The following NBAS variants were observed in gnomAD, a reference collection of about 807,000 sequenced individuals.
NBAS encodes NAG/BC035112 fusion.
A neutral mutation model predicts 302.5 loss-of-function variants in NBAS; 219 were observed. The ratio of observed to expected loss-of-function variants is 0.72; its 90% CI spans 0.65 to 0.81. The LOEUF is 0.81. Among genes scored for constraint, NBAS ranks in the 30% least tolerant of loss-of-function variants. The pLI is 0.00. For synonymous variants in NBAS, 1,118 were observed against 1,021.6 expected, an observed-to-expected ratio of 1.09 and a Z score of -1.80; for missense variants, 2,932 against 2,841.6, an observed-to-expected ratio of 1.03 and a Z score of -0.72.
the NBAS span, among the ~76,000 whole-genome samples, chr2:14,988,358 A>T: frequency 6.6e-6 from 1 of 152,212 alleles, no homozygotes; most frequent in African/African-American, 2.4e-5. Flanking sequence ...ACCCAGATAC[A>T]ATATAAACAG....
At chr2:15,544,191 G>A (rs1207762321) in intron 6 of NBAS, among the ~76,000 whole-genome samples, 10 of 152,134 alleles carry the variant, frequency 6.6e-5, no homozygotes, top group Admixed American at 6.5e-4. Context: ...AAGAACCAGT[G>A]AGCAAGGGCA....
At chr2:15,239,401 G>GTATATA (rs3085556) in intron 44 of NBAS, among the ~76,000 whole-genome samples, 65 of 144,712 alleles carry the variant, frequency 4.5e-4, no homozygotes, top group South Asian at 1.1e-3. Context: ...GTGTGTGTGT[G>GTATATA]TATATATATA....
At chr2:15,465,241 G>A (rs932244169) in intron 19 of NBAS, among the ~76,000 whole-genome samples, 1 of 152,168 alleles carries the variant, frequency 6.6e-6, no homozygotes, top group Non-Finnish European at 1.5e-5. Flanking sequence ...TAACTGTATG[G>A]AGACTCCATT....
At chr2:15,377,522 A>G (rs935928560) in intron 30 of NBAS, among the ~76,000 whole-genome samples, 12 of 152,340 alleles carry the variant, frequency 7.9e-5, no homozygotes, top group African/African-American at 2.9e-4. Context: ...GCCTACTATT[A>G]TCCACATTTT....
rs753659526 is a variant in NBAS at position 15,467,732 on chromosome 2, A to G, written c.1950T>C (p.Pro650=). ...YEELSPPDEE[P]AKNKKEKELK... ...GCTCCTTTTCCTTTTTATTCTTGGCAGGCTCTTCATCAGGTGGTGAAAGCT... is the reference window on the plus strand; with the variant it reads ...GCTCCTTTTCCTTTTTATTCTTGGCGGGCTCTTCATCAGGTGGTGAAAGCT... Residue 650 remains proline (P), a synonymous_variant, in exon 18 of 52, where the codon CCT becomes CCC. Coordinates refer to ENST00000281513, the MANE Select transcript of NBAS (RefSeq NM_015909.4). 1.2e-6 allele frequency: 2 copies of G among 1,608,594 alleles called. No homozygotes were observed. The highest frequency in any genetic ancestry group is 1.7e-6 in the Non-Finnish European group (2 of 1,175,250).
At chr2:15,076,197 G>T in the NBAS span, among the ~76,000 whole-genome samples, 1 of 152,222 alleles carries the variant, frequency 6.6e-6, no homozygotes, top group East Asian at 1.9e-4. Context: ...AAGTTGAAAA[G>T]ATAGGAGTGT....
chr2:15,046,641 G>A, the NBAS span, among the ~76,000 whole-genome samples: 1 of 152,132 alleles, frequency 6.6e-6, no homozygotes. Flanking sequence ...TACTAAGAGT[G>A]GTTTTATTTT....
At chr2:15,442,692 C>CA (rs1324640566) in intron 21 of NBAS, among the ~76,000 whole-genome samples, 30 of 151,756 alleles carry the variant, frequency 2.0e-4, no homozygotes, top group African/African-American at 7.3e-4. Context: ...AAAAACCCTT[C>CA]AAAAAATTAA....
intron 47 of NBAS, among the ~76,000 whole-genome samples, chr2:15,230,849 C>T (rs868205603): frequency 6.6e-6 from 1 of 152,142 alleles, no homozygotes; most frequent in Non-Finnish European, 1.5e-5. Flanking sequence ...GTGTTTCCCA[C>T]GTAGCATCTC....
the NBAS span, among the ~76,000 whole-genome samples, chr2:14,989,332 T>C: frequency 1.3e-5 from 2 of 151,810 alleles, no homozygotes; most frequent in South Asian, 2.1e-4. Context: ...TAACTTTATA[T>C]ATATATCTTG....
the NBAS span, among the ~76,000 whole-genome samples, chr2:15,023,318 G>C: frequency 6.6e-6 from 1 of 151,900 alleles, no homozygotes; most frequent in South Asian, 2.1e-4. Flanking sequence ...TTATTGATAG[G>C]TACTCACTTT....
In NBAS at chr2:15,436,312, T is replaced by A. The variant is rs116749562; in HGVS notation, c.2340-8518A>T. On this transcript the variant is annotated intron_variant, in intron 21 of 51. Coordinates refer to ENST00000281513, the MANE Select transcript of NBAS (RefSeq NM_015909.4). Reference sequence around the variant, plus strand: ...TTATCTCACTGCTACTGTAATTATTTGTATACATATATTTCAGAGGAGGGT... The same window carrying A: ...TTATCTCACTGCTACTGTAATTATTAGTATACATATATTTCAGAGGAGGGT... Among the ~76,000 whole-genome samples, 439 of 152,324 alleles carry A rather than the reference T, an allele frequency of 2.9e-3. 1 individual carries two copies. The highest frequency in any genetic ancestry group is 0.01 in the African/African-American group (420 of 41,570).
intron 41 of NBAS, among the ~76,000 whole-genome samples, chr2:15,289,759 A>C (rs977396643): frequency 2.0e-5 from 3 of 152,124 alleles, no homozygotes; most frequent in Non-Finnish European, 4.4e-5. Context: ...GCACTTTGAG[A>C]GGCCAAGGCA....
the NBAS span, among the ~76,000 whole-genome samples, chr2:14,913,805 G>A: frequency 1.4e-4 from 22 of 152,116 alleles, no homozygotes; most frequent in Non-Finnish European, 2.1e-4. Flanking sequence ...TATAAGCAGT[G>A]TTTAGAAGAA....
intron 44 of NBAS, 131 bp from the exon 45 acceptor site, chr2:15,238,817 A>T: frequency 1.3e-6 from 1 of 746,776 alleles, no homozygotes; most frequent in Non-Finnish European, 2.1e-6. Flanking sequence ...AGCACTTGTT[A>T]TACTAGTTTT....
intron 35 of NBAS, among the ~76,000 whole-genome samples, chr2:15,343,750 A>G (rs1232936369): frequency 6.6e-6 from 1 of 151,958 alleles, no homozygotes; most frequent in Non-Finnish European, 1.5e-5. Context: ...AAAAACTATA[A>G]AACTTTCAGA....
At chr2:15,482,177 T>C (rs1680454550) in intron 12 of NBAS, among the ~76,000 whole-genome samples, 1 of 152,198 alleles carries the variant, frequency 6.6e-6, no homozygotes, top group Non-Finnish European at 1.5e-5. Context: ...GTCACCCAGG[T>C]TGCAGTGCAG....
At chr2:15,275,423 T>G in intron 44 of NBAS, 61 bp downstream of exon 44, 2 of 1,485,588 alleles carry the variant, frequency 1.3e-6, no homozygotes, top group African/African-American at 1.4e-5. Flanking sequence ...CTACAGAATG[T>G]AGGAGAAATT....
chr2:15,476,864 A>C, intron 13 of NBAS, among the ~76,000 whole-genome samples: 1 of 152,358 alleles, frequency 6.6e-6, no homozygotes, highest in South Asian at 2.1e-4. Context: ...GTAAAAGTAA[A>C]CCATAAATTT....
Sources: gnomAD v4.1 joint callset for allele counts (sites outside exome capture counted in the v4.1 genomes callset) on GRCh38, gnomAD v4.1.1 for gene constraint, MANE v1.5 for transcripts, NCBI Gene and HGNC (gene_info 2026-07-23, HGNC 2026-07-21) for gene names.